Variants in TNFAIP8L1 observed in about 807,000 individuals in gnomAD.
TNFAIP8L1 encodes the protein tumor necrosis factor alpha-induced protein 8-like protein 1.
For synonymous variants in TNFAIP8L1, 127 were observed against 125.6 expected (o/e 1.01, Z -0.08); for missense variants, 225 against 266.1 (o/e 0.85, Z 1.08).
At chr19:4,647,770 G>A (rs371317269) in intron 1 of TNFAIP8L1, among the ~76,000 whole-genome samples, 18 of 151,614 alleles carry the variant, frequency 1.2e-4, no homozygotes, top group African/African-American at 3.9e-4. Flanking sequence ...CCACAGACCC[G>A]TGCCACCATG....
intron 1 of TNFAIP8L1, among the ~76,000 whole-genome samples, chr19:4,650,267 G>A (rs1019402250): frequency 6.6e-6 from 1 of 151,900 alleles, no homozygotes; most frequent in Non-Finnish European, 1.5e-5. Flanking sequence ...AAGTGATGGG[G>A]ATGTATAGTT....
intron 1 of TNFAIP8L1, among the ~76,000 whole-genome samples, chr19:4,649,816 A>T (rs1039462277): frequency 6.6e-6 from 1 of 152,232 alleles, no homozygotes; most frequent in South Asian, 2.1e-4. Context: ...GTCGGAGGGC[A>T]GGGGCGGCCC....
intron 1 of TNFAIP8L1, among the ~76,000 whole-genome samples, chr19:4,643,638 A>G (rs894678096): frequency 1.2e-4 from 18 of 152,330 alleles, no homozygotes; most frequent in African/African-American, 4.1e-4. Context: ...CTCTTTTGCC[A>G]TAACTAAAAT....
rs56182452 is a variant in TNFAIP8L1, at chr19:4,642,482, CAAA to C, written c.-4+2867_-4+2869del. 5.8e-4 allele frequency: 76 copies of C among 131,180 alleles called. 1 individual carries two copies. Among genetic ancestry groups the C allele is most frequent in the Admixed American group, 1.4e-3 (18 of 12,596 alleles). 8.1% of individuals were successfully genotyped at this position (131,180 alleles called of 1,614,324 possible). On this transcript the variant is annotated intron_variant, in intron 1 of 1. Transcript: ENST00000327473. ...GTTGACAGAGTGTGAGACTCCATCT[CAAA>C]AAAAAAAAAAAAATTAAAAATATAC... is the stretch of plus-strand genomic sequence containing the variant.
At chr19:4,644,630 T>TTTTTA in intron 1 of TNFAIP8L1, among the ~76,000 whole-genome samples, 1 of 143,872 alleles carries the variant, frequency 7.0e-6, no homozygotes, top group Non-Finnish European at 1.5e-5. Context: ...TTTTTTTTTT[T>TTTTTA]GAGATAGAGT....
Position 4,652,631 on chromosome 19 carries a change from C to T in TNFAIP8L1, c.*201C>T. On this transcript the variant is annotated 3_prime_UTR_variant, in exon 2 of 2. Transcript: ENST00000327473. ...TGTTTCAAACACCAATGTCACCTCT[C>T]CTCCTGGCCCCCGCCCAATGGGGAG... 3.7e-6 allele frequency: 2 copies of T among 543,960 alleles called. No homozygotes were observed. The highest frequency in any genetic ancestry group is 3.3e-5 in the East Asian group (1 of 30,246). The allele number at this position is 543,960 out of a possible 1,614,324, so 33.7% of individuals were successfully genotyped here.
At chr19:4,650,644 C>T (rs1340696877) in intron 1 of TNFAIP8L1, among the ~76,000 whole-genome samples, 1 of 152,012 alleles carries the variant, frequency 6.6e-6, no homozygotes, top group Non-Finnish European at 1.5e-5. Context: ...CGAGAGCTGG[C>T]CAGGCTCTCA....
Position 4,646,684 on chromosome 19 carries a change from A to G in TNFAIP8L1, c.-3-5183A>G, listed in dbSNP as rs1318972012. Among the ~76,000 whole-genome samples the G allele has an allele frequency of 4.0e-5, 6 of 149,954 alleles. No individual in the cohort carries two copies. In the South Asian group the frequency reaches 8.4e-4, roughly 21 times the overall value. The stretch of plus-strand genomic sequence containing the variant: ...CTCGCTCTGTCACCCAGGCTGGAGT[A>G]CAGTGACGTGATCTTGGCTCACTGC... On this transcript the variant is annotated intron_variant, in intron 1 of 1. Coordinates refer to ENST00000327473, the MANE Select transcript of TNFAIP8L1 (RefSeq NM_152362.3).
chr19:4,643,920 A>G (rs2088285547), intron 1 of TNFAIP8L1, among the ~76,000 whole-genome samples: 1 of 151,932 alleles, frequency 6.6e-6, no homozygotes, highest in Non-Finnish European at 1.5e-5. Context: ...ATCTCAAAAA[A>G]TAAATAAATA....
At chr19:4,650,492 G>A (rs949699653) in intron 1 of TNFAIP8L1, among the ~76,000 whole-genome samples, 6 of 152,030 alleles carry the variant, frequency 3.9e-5, no homozygotes, top group Admixed American at 6.6e-5. Context: ...GAAGAATTCC[G>A]GAGCTGCAGG....
chr19:4,643,176 A>G (rs958743103), intron 1 of TNFAIP8L1, among the ~76,000 whole-genome samples: 5 of 151,558 alleles, frequency 3.3e-5, no homozygotes, highest in Admixed American at 2.6e-4. Flanking sequence ...CTACTCAGGA[A>G]GCTGAGGCAG....
rs1049434870 is a variant in TNFAIP8L1, at chr19:4,652,538, G to C, written c.*108G>C. ...ACCTCTTTTCTCCCAATCGGACTCC[G>C]GCCAAACTCCCCTAGACAGATGGGT... On this transcript the variant is annotated 3_prime_UTR_variant, in exon 2 of 2. Coordinates refer to ENST00000327473, the MANE Select transcript of TNFAIP8L1 (RefSeq NM_152362.3). 8.9e-7 allele frequency: 1 copy of C among 1,127,138 alleles called. No individual in the cohort carries two copies. Among genetic ancestry groups the C allele is most frequent in the African/African-American group, 1.6e-5 (1 of 62,584 alleles). The allele number at this position is 1,127,138 out of a possible 1,614,324, so 69.8% of individuals were successfully genotyped here.
intron 1 of TNFAIP8L1, among the ~76,000 whole-genome samples, chr19:4,650,639 G>A (rs1280801600): frequency 6.6e-6 from 1 of 152,012 alleles, no homozygotes; most frequent in Non-Finnish European, 1.5e-5. Flanking sequence ...TGCCTCGAGA[G>A]CTGGCCAGGC....
chr19:4,641,744 G>C lies in TNFAIP8L1; in HGVS notation c.-4+2115G>C, dbSNP rs1398520777. ...GGGATTACAGGACACAGTACTTCTA[G>C]AAGCTTCCTAAGGCTTCGATCCTTC... On this transcript the variant is annotated intron_variant, in intron 1 of 1. Coordinates refer to ENST00000327473, the MANE Select transcript of TNFAIP8L1 (RefSeq NM_152362.3). The surrounding 1 kb of genome is among the most constrained non-coding windows in gnomAD (Gnocchi z 4.6). 1.3e-5 allele frequency: 2 copies of C among 152,226 alleles called. No individual in the cohort carries two copies. The highest frequency in any genetic ancestry group is 1.5e-5 in the Non-Finnish European group (1 of 68,060). 9.4% of individuals were successfully genotyped at this position (152,226 alleles called of 1,614,324 possible). A position where few individuals can be genotyped will look rare whatever the true frequency, so the allele number is the denominator to read the frequency against.
chr19:4,642,035 A>C (rs1007669813), intron 1 of TNFAIP8L1: 1 of 152,078 alleles, frequency 6.6e-6, no homozygotes, highest in Non-Finnish European at 1.5e-5. Context: ...AAAATTAGCC[A>C]GGTGTGGTGT....
At position 4,649,219 on chromosome 19, in the gene TNFAIP8L1, C is replaced by T. The variant is rs571830553; in HGVS notation, c.-3-2648C>T. On this transcript the variant is annotated intron_variant, in intron 1 of 1. Transcript: ENST00000327473. ...TGCTGGGATTACAGGTGTGAGCCACCGCGCCCGGCCAGCTTTTTTTTTTTT... is the reference window on the plus strand; with the variant it reads ...TGCTGGGATTACAGGTGTGAGCCACTGCGCCCGGCCAGCTTTTTTTTTTTT... 2.7e-4 allele frequency among the ~76,000 whole-genome samples: 40 copies of T among 150,262 alleles called. No homozygotes were observed. In the South Asian group the frequency reaches 5.0e-3, roughly 19 times the overall value.
At chr19:4,643,777 A>C (rs1004060412) in intron 1 of TNFAIP8L1, among the ~76,000 whole-genome samples, 1 of 152,132 alleles carries the variant, frequency 6.6e-6, no homozygotes, top group Non-Finnish European at 1.5e-5. Flanking sequence ...TCTACTAAAA[A>C]TACAAAACTT....
intron 1 of TNFAIP8L1, among the ~76,000 whole-genome samples, chr19:4,647,933 G>A (rs2088327666): frequency 6.6e-6 from 1 of 152,068 alleles, no homozygotes; most frequent in Non-Finnish European, 1.5e-5. Context: ...TGGCCCAGAT[G>A]ATTTTGTAAT....
At position 4,645,338 on chromosome 19, in the gene TNFAIP8L1, G is replaced by T. The variant is rs139220394; in HGVS notation, c.-4+5709G>T. Among the ~76,000 whole-genome samples the T allele has an allele frequency of 1.4e-5, 2 of 146,744 alleles. No individual in the cohort carries two copies. Among genetic ancestry groups the T allele is most frequent in the African/African-American group, 2.7e-5 (1 of 37,650 alleles). ...CGAGGCGAGTAGATCACTTGAGGCCGGGAGTTAGAGACCAGCCTGGCCGAC... is the reference window on the plus strand; with the variant it reads ...CGAGGCGAGTAGATCACTTGAGGCCTGGAGTTAGAGACCAGCCTGGCCGAC... On this transcript the variant is annotated intron_variant, in intron 1 of 1. Coordinates refer to ENST00000327473, the MANE Select transcript of TNFAIP8L1 (RefSeq NM_152362.3). This position sits in a 1 kb window ranked among gnomAD's most constrained non-coding sequence, Gnocchi z 4.1.
Sources: allele counts gnomAD v4.1 joint callset (sites outside exome capture counted in the v4.1 genomes callset), GRCh38; gene constraint gnomAD v4.1.1; non-coding constraint Gnocchi (gnomAD v3.1); transcripts MANE v1.5; gene names NCBI Gene and HGNC (gene_info 2026-07-23, HGNC 2026-07-21).